The following GNA12 variants were observed in gnomAD, a reference collection of about 807,000 sequenced individuals.
GNA12 encodes guanine nucleotide-binding protein subunit alpha-12.
A neutral mutation model predicts 26.0 loss-of-function variants in GNA12; 9 were observed. The observed-to-expected ratio is 0.35, with a 90% CI of 0.21 to 0.60. The LOEUF (loss-of-function observed/expected upper bound fraction) is 0.60, where lower values mean the gene tolerates loss of function less well. Among genes scored for constraint, GNA12 ranks in the 20% least tolerant of loss-of-function variants. The pLI is 0.78. For missense variants in GNA12, 405 were observed against 525.8 expected, an observed-to-expected ratio of 0.77 and a Z score of 2.25; for synonymous variants, 264 against 219.6, an observed-to-expected ratio of 1.20 and a Z score of -1.79.
In GNA12 at chr7:2,746,640, C is replaced by T. The variant is rs182265784; in HGVS notation, c.526-13139G>A. 9.5e-3 allele frequency among the ~76,000 whole-genome samples: 1,441 copies of T among 152,170 alleles called. 12 individuals are homozygous for T. Among genetic ancestry groups the T allele is most frequent in the Middle Eastern group, 0.075 (22 of 294 alleles). On this transcript the variant is annotated intron_variant, in intron 2 of 3. Transcript: ENST00000275364. ...AAGCAAGAACAAACACATTCAAAAGCCAGCAGAAGGCAAGAAATAACTAAG... is the reference window on the plus strand; with the variant it reads ...AAGCAAGAACAAACACATTCAAAAGTCAGCAGAAGGCAAGAAATAACTAAG...
intron 2 of GNA12, chr7:2,762,512 G>T: frequency 1.0e-6 from 1 of 967,224 alleles, no homozygotes; most frequent in Non-Finnish European, 1.5e-6. Context: ...GCCTAACTGT[G>T]GACTACAAAA....
intron 2 of GNA12, among the ~76,000 whole-genome samples, chr7:2,742,166 G>A (rs1345617608): frequency 6.6e-6 from 1 of 151,630 alleles, no homozygotes; most frequent in African/African-American, 2.4e-5. Context: ...GGATTACAGA[G>A]GTGCACCACC....
At chr7:2,803,172 C>T (rs1319456488) in intron 1 of GNA12, among the ~76,000 whole-genome samples, 1 of 152,186 alleles carries the variant, frequency 6.6e-6, no homozygotes, top group Non-Finnish European at 1.5e-5. Context: ...CAAGACAGAG[C>T]ACGAGCAGAT....
At chr7:2,733,354 A>G in intron 3 of GNA12, 97 bp downstream of exon 3, 1 of 940,918 alleles carries the variant, frequency 1.1e-6, no homozygotes. Flanking sequence ...TCGGCCTGTC[A>G]GTCCAGCCAA....
intron 2 of GNA12, chr7:2,765,125 A>AG (rs1791748754): frequency 6.6e-6 from 1 of 152,128 alleles, no homozygotes; most frequent in African/African-American, 2.4e-5. Context: ...TTAAAATCTA[A>AG]GGGAAAAAAA....
At chr7:2,752,388 G>GT (rs1791084687) in intron 2 of GNA12, among the ~76,000 whole-genome samples, 1 of 152,160 alleles carries the variant, frequency 6.6e-6, no homozygotes, top group Admixed American at 6.5e-5. Flanking sequence ...TGTAAGGCAA[G>GT]GATGCCCACT....
chr7:2,789,132 CTTTTTT>C lies in GNA12; in HGVS notation c.525+5790_525+5795del, dbSNP rs71026556. The stretch of plus-strand genomic sequence containing the variant: ...ACCGTGCCCGGACCCCTTCAGGCAT[CTTTTTT>C]TTTTTTTTTTTTTTTGAGACGGAGT... On this transcript the variant is annotated intron_variant, in intron 2 of 3. Transcript: ENST00000275364. 6.9e-5 allele frequency among the ~76,000 whole-genome samples: 5 copies of C among 72,822 alleles called. 1 individual carries two copies. The highest frequency in any genetic ancestry group is 2.0e-4 in the African/African-American group (4 of 20,062). The allele number at this position is 72,822 out of a possible 152,430, so 47.8% of individuals were successfully genotyped here.
chr7:2,736,573 G>C (rs1017069674), intron 2 of GNA12, among the ~76,000 whole-genome samples: 2 of 152,144 alleles, frequency 1.3e-5, no homozygotes, highest in Non-Finnish European at 1.5e-5. Flanking sequence ...TTGATATGGG[G>C]CCTGTGCACC....
intron 2 of GNA12, among the ~76,000 whole-genome samples, chr7:2,783,891 G>A (rs1051800613): frequency 2.6e-5 from 4 of 151,692 alleles, no homozygotes; most frequent in Non-Finnish European, 5.9e-5. Context: ...CACCACATTG[G>A]CCAGGCTGGT....
chr7:2,800,671 G>A (rs544796319), intron 1 of GNA12, among the ~76,000 whole-genome samples: 1 of 152,370 alleles, frequency 6.6e-6, no homozygotes, highest in African/African-American at 2.4e-5. Flanking sequence ...AAGGCAAAGA[G>A]ATAGTAGGGA....
chr7:2,828,350 GTTA>G (rs1265133384), intron 1 of GNA12, among the ~76,000 whole-genome samples: 2 of 152,196 alleles, frequency 1.3e-5, no homozygotes, highest in Non-Finnish European at 2.9e-5. Flanking sequence ...GTAGACAATA[GTTA>G]TTTTTATTTT....
intron 2 of GNA12, among the ~76,000 whole-genome samples, chr7:2,767,677 A>G (rs1316145642): frequency 1.3e-5 from 2 of 152,166 alleles, no homozygotes; most frequent in Non-Finnish European, 2.9e-5. Context: ...TGTAACTCCT[A>G]ACCTTTAAAC....
chr7:2,756,281 A>G (rs1048844658), intron 2 of GNA12, among the ~76,000 whole-genome samples: 61 of 152,200 alleles, frequency 4.0e-4, no homozygotes, highest in African/African-American at 1.4e-3. Context: ...GGAGGATCAG[A>G]AAATCAAAAA....
intron 2 of GNA12, among the ~76,000 whole-genome samples, chr7:2,789,623 C>T (rs1334564504): frequency 6.6e-6 from 1 of 152,214 alleles, no homozygotes; most frequent in Non-Finnish European, 1.5e-5. Flanking sequence ...TTACAGCACA[C>T]AGACCGGGTG....
chr7:2,775,762 C>G (rs1431022407), intron 2 of GNA12, among the ~76,000 whole-genome samples: 1 of 152,216 alleles, frequency 6.6e-6, no homozygotes, highest in Non-Finnish European at 1.5e-5. Flanking sequence ...CTCAGAGGCT[C>G]ATCAGTGGCT....
At chr7:2,824,893 C>G (rs1183668657) in intron 1 of GNA12, among the ~76,000 whole-genome samples, 1 of 152,212 alleles carries the variant, frequency 6.6e-6, no homozygotes, top group Non-Finnish European at 1.5e-5. Context: ...ATTTGAACAG[C>G]ATGGCCAGGT....
rs116255700 is a variant in GNA12 at position 2,735,584 on chromosome 7, C to A, written c.526-2083G>T. On this transcript the variant is annotated intron_variant, in intron 2 of 3. Transcript: ENST00000275364. Reference sequence around the variant, plus strand: ...CCTCGGTGTGAGTCTAAACACCCCTCGAGTCTGCAATCAGTCCCCCAGCTG... The same window carrying A: ...CCTCGGTGTGAGTCTAAACACCCCTAGAGTCTGCAATCAGTCCCCCAGCTG... 3.5e-3 allele frequency among the ~76,000 whole-genome samples: 529 copies of A among 152,286 alleles called. 3 individuals carry two copies. Among genetic ancestry groups the A allele is most frequent in the African/African-American group, 0.012 (490 of 41,556 alleles).
At chr7:2,768,141 T>C (rs1012196300) in intron 2 of GNA12, among the ~76,000 whole-genome samples, 2 of 152,224 alleles carry the variant, frequency 1.3e-5, no homozygotes, top group Admixed American at 1.3e-4. Context: ...AGGCATGAGC[T>C]ACCGCTTACA....
intron 2 of GNA12, chr7:2,762,829 C>A: frequency 6.6e-7 from 1 of 1,508,062 alleles, no homozygotes; most frequent in Non-Finnish European, 8.9e-7. Context: ...CGCCACACAC[C>A]CAGTCAGCGC....
Sources: allele counts gnomAD v4.1 joint callset (sites outside exome capture counted in the v4.1 genomes callset), GRCh38; gene constraint gnomAD v4.1.1; transcripts MANE v1.5; gene names NCBI Gene and HGNC (gene_info 2026-07-23, HGNC 2026-07-21).